DMD: variants seen among roughly 807,000 people sequenced by gnomAD.
The protein encoded by DMD is dystrophin.
Under a neutral mutation model 330.1 loss-of-function variants are expected in DMD, and 63 were observed. That is an observed-to-expected ratio of 0.19 (90% confidence interval 0.16 to 0.24). DMD has a LOEUF of 0.24. Among genes scored for constraint, DMD ranks in the 10% least tolerant of loss-of-function variants. The pLI, the probability that DMD is intolerant of heterozygous loss-of-function variation, is 1.00. For missense variants in DMD, 3,344 were observed against 2,684.1 expected, an observed-to-expected ratio of 1.25 and a Z score of -5.43; for synonymous variants, 1,223 against 959.8, an observed-to-expected ratio of 1.27 and a Z score of -5.07.
chrX:31,380,567 A>G (rs777498319), intron 60 of DMD, among the ~76,000 whole-genome samples: 1 of 111,353 alleles, frequency 9.0e-6, no homozygotes, highest in African/African-American at 3.3e-5. Flanking sequence ...TTTAAAGCCT[A>G]TAAACTCCCC....
intron 59 of DMD, among the ~76,000 whole-genome samples, chrX:31,453,318 C>A (rs181775046): frequency 0.016 from 1,812 of 110,644 alleles, 20 homozygotes; most frequent in Non-Finnish European, 0.025. Flanking sequence ...TGCACCACCA[C>A]GCCCAGCTAA....
At chrX:31,255,688 C>G (rs1369781903) in intron 63 of DMD, among the ~76,000 whole-genome samples, 3 of 108,868 alleles carry the variant, frequency 2.8e-5, no homozygotes, top group Non-Finnish European at 3.8e-5. Context: ...ATGATCACAG[C>G]AAGTTTAGAA....
chrX:32,488,167 T>C (rs1371110097), intron 20 of DMD, among the ~76,000 whole-genome samples: 1 of 112,198 alleles, frequency 8.9e-6, no homozygotes, highest in Non-Finnish European at 1.9e-5. Flanking sequence ...ATAGAAGAGA[T>C]ACTTTTCAAC....
chrX:33,085,993 T>G (rs1216268825), intron 1 of DMD: 1 of 112,175 alleles, frequency 8.9e-6, no homozygotes, highest in Non-Finnish European at 1.9e-5. Flanking sequence ...AAATGTCAGA[T>G]GTGTATAATA....
At chrX:32,307,742 C>T (rs2097545960) in intron 42 of DMD, among the ~76,000 whole-genome samples, 1 of 111,333 alleles carries the variant, frequency 9.0e-6, no homozygotes, top group Non-Finnish European at 1.9e-5. Flanking sequence ...ATTCTGTGTT[C>T]ATGCTTTCAT....
At chrX:32,058,234 A>G (rs1474905836) in intron 44 of DMD, among the ~76,000 whole-genome samples, 1 of 111,011 alleles carries the variant, frequency 9.0e-6, no homozygotes, top group African/African-American at 3.3e-5. Context: ...CTAGATAAGC[A>G]GAAATATATC....
chrX:31,820,011 G>A lies in DMD; in HGVS notation c.7273C>T (p.Pro2425Ser), dbSNP rs1318139017. The change falls in exon 50 of 79, where the codon CCT becomes TCT. Residue 2425 changes from proline to serine, a missense_variant. By Grantham distance (74) the Pro-to-Ser change is moderately conservative. Coordinates refer to ENST00000357033, the MANE Select transcript of DMD (RefSeq NM_004006.3). Reference sequence around the variant, plus strand: ...GTGGTCAGTCCAGGAGCTAGGTCAGGCTGCTTTGCCCTCAGCTCTTGAAGT... The same window carrying A: ...GTGGTCAGTCCAGGAGCTAGGTCAGACTGCTTTGCCCTCAGCTCTTGAAGT... ...RLLQELRAKQPDLAPGLTTIG... is the reference protein window; with the variant it reads ...RLLQELRAKQSDLAPGLTTIG... The A allele has an allele frequency of 4.1e-6, 5 of 1,211,404 alleles. No homozygotes were observed. The highest frequency in any genetic ancestry group is 5.6e-6 in the Non-Finnish European group (5 of 895,124).
At chrX:31,815,305 C>T (rs1007402929) in intron 50 of DMD, among the ~76,000 whole-genome samples, 2 of 111,388 alleles carry the variant, frequency 1.8e-5, no homozygotes, top group Non-Finnish European at 3.8e-5. Context: ...CAAAAATTAG[C>T]CAGGCGTGGT....
intron 16 of DMD, among the ~76,000 whole-genome samples, chrX:32,548,914 G>A (rs1485472128): frequency 9.0e-6 from 1 of 111,398 alleles, no homozygotes; most frequent in Non-Finnish European, 1.9e-5. Flanking sequence ...GTCAAAACTA[G>A]AATAGAATAT....
At chrX:33,075,512 A>T (rs1016843855) in intron 1 of DMD, among the ~76,000 whole-genome samples, 1 of 112,469 alleles carries the variant, frequency 8.9e-6, no homozygotes, top group Non-Finnish European at 1.9e-5. Context: ...GTGCAGATAC[A>T]TTCTGAGCCT....
At chrX:31,175,075 T>C (rs1602383072) in intron 71 of DMD, among the ~76,000 whole-genome samples, 1 of 112,246 alleles carries the variant, frequency 8.9e-6, no homozygotes, top group East Asian at 2.8e-4. Context: ...TAGCCCATTA[T>C]TAGAAAAATG....
rs2091505322 is a variant in DMD, at chrX:31,790,264, G to A, written c.7310-16072C>T. 2.7e-5 allele frequency among the ~76,000 whole-genome samples: 3 copies of A among 111,170 alleles called. No individual in the cohort carries two copies. The South Asian group carries it at 1.1e-3, about 42-fold the overall frequency. On this transcript the variant is annotated intron_variant, in intron 50 of 78. Transcript: ENST00000357033. ...TTCCCATTCAATCTGACGTAAAAGTGGAATTGAAGGGCATATGGGCTGAAG... is the reference window on the plus strand; with the variant it reads ...TTCCCATTCAATCTGACGTAAAAGTAGAATTGAAGGGCATATGGGCTGAAG...
rs150727814 is a variant in DMD, at chrX:32,633,411, A to G, written c.1331+10721T>C. ...CTCGACAGCTTGGACTTCACTGTGC[A>G]TATCAGTATCAGCACTTTGGTAACA... On this transcript the variant is annotated intron_variant, in intron 11 of 78. Coordinates refer to ENST00000357033, the MANE Select transcript of DMD (RefSeq NM_004006.3). Among the ~76,000 whole-genome samples the G allele has an allele frequency of 2.9e-3, 323 of 112,155 alleles. 1 individual carries two copies. Among genetic ancestry groups the G allele is most frequent in the African/African-American group, 0.01 (316 of 30,927 alleles).
chrX:33,338,280 T>G (rs1410822813), intron 1 of DMD, among the ~76,000 whole-genome samples: 1 of 110,537 alleles, frequency 9.0e-6, no homozygotes, highest in African/African-American at 3.3e-5. Flanking sequence ...ATTGCTCCCC[T>G]TTCTCCAAAA....
chrX:32,448,326 C>A lies in DMD; in HGVS notation c.3786+130G>T, dbSNP rs180957109. On this transcript the variant is annotated intron_variant, in intron 27 of 78. Coordinates refer to ENST00000357033, the MANE Select transcript of DMD (RefSeq NM_004006.3). ...AAGCAAATGGCCCAAAGTCATACAA[C>A]TTATAAGTGCCTGAATGAGGAATTC... is the stretch of plus-strand genomic sequence containing the variant. 248 of 705,208 alleles carry A rather than the reference C, an allele frequency of 3.5e-4. No individual in the cohort carries two copies. In the East Asian group the frequency reaches 6.9e-3, roughly 19 times the overall value. 58.1% of individuals were successfully genotyped at this position (705,208 alleles called of 1,213,427 possible).
intron 51 of DMD, among the ~76,000 whole-genome samples, chrX:31,765,050 C>CT (rs71981919): frequency 0.13 from 12,657 of 100,060 alleles, 616 homozygotes; most frequent in South Asian, 0.19. Flanking sequence ...AATCCTGTTG[C>CT]TTTTTTTTTT....
intron 37 of DMD, among the ~76,000 whole-genome samples, chrX:32,360,649 T>G (rs888004225): frequency 1.1e-4 from 12 of 108,225 alleles, no homozygotes; most frequent in African/African-American, 1.7e-4. Flanking sequence ...TAGCCAGGTG[T>G]CACGGCGCCC....
chrX:33,117,064 TTA>T (rs371340026), intron 1 of DMD, among the ~76,000 whole-genome samples: 1 of 105,680 alleles, frequency 9.5e-6, no homozygotes, highest in African/African-American at 3.5e-5. Flanking sequence ...CCAGGCCACA[TTA>T]TATATATATA....
At chrX:32,549,807 G>A (rs1317133001) in intron 16 of DMD, among the ~76,000 whole-genome samples, 1 of 111,609 alleles carries the variant, frequency 9.0e-6, no homozygotes, top group South Asian at 3.7e-4. Flanking sequence ...AAGAAATGAA[G>A]TTCTTTCTTT....
Sources: gnomAD v4.1 joint callset for allele counts (sites outside exome capture counted in the v4.1 genomes callset) on GRCh38, gnomAD v4.1.1 for gene constraint, MANE v1.5 for transcripts, NCBI Gene and HGNC (gene_info 2026-07-23, HGNC 2026-07-21) for gene names.